BIRC6: variants seen among roughly 807,000 people sequenced by gnomAD.
BIRC6 encodes the protein dual E2 ubiquitin-conjugating enzyme/E3 ubiquitin-protein ligase BIRC6.
In BIRC6, 98 loss-of-function variants were observed where a neutral mutation model predicts 503.3. That is an observed-to-expected ratio of 0.19 (90% CI 0.17 to 0.23). BIRC6 has a LOEUF of 0.23. Among genes scored for constraint, BIRC6 ranks in the 10% least tolerant of loss-of-function variants. The pLI is 1.00. For synonymous variants in BIRC6, 2,240 were observed against 2,078.7 expected (o/e 1.08, Z -2.11); for missense variants, 5,360 against 5,806.0 (o/e 0.92, Z 2.50).
intron 66 of BIRC6, among the ~76,000 whole-genome samples, chr2:32,577,327 ACT>A (rs2060332889): frequency 6.6e-6 from 1 of 151,920 alleles, no homozygotes; most frequent in Non-Finnish European, 1.5e-5. Context: ...TTTTGAGATG[ACT>A]CTGTTAGCTT....
At chr2:32,364,539 C>A (rs2034599447) in intron 1 of BIRC6, among the ~76,000 whole-genome samples, 1 of 152,070 alleles carries the variant, frequency 6.6e-6, no homozygotes, top group South Asian at 2.1e-4. Flanking sequence ...CCGTGCCCAG[C>A]CCTGCTCAGT....
Position 32,485,648 on chromosome 2 carries a change from G to A in BIRC6, c.7702G>A (p.Asp2568Asn). 1.2e-6 allele frequency: 2 copies of A among 1,610,008 alleles called. No homozygotes were observed. Among genetic ancestry groups the A allele is most frequent in the Non-Finnish European group, 1.7e-6 (2 of 1,176,714 alleles). ...TVSVSVSQAL[D>N]ARLEVGLEQQ... ...CTTTCAATTGCTTTTTGTAGCCCTG[G>A]ATGCTCGCCTAGAAGTTGGACTTGA... The change falls in exon 40 of 74, where the codon GAT becomes AAT. Residue 2568 changes from aspartate to asparagine, a missense_variant. Transcript: ENST00000421745.
intron 32 of BIRC6, among the ~76,000 whole-genome samples, chr2:32,471,617 GAAATCAA>G (rs771088206): frequency 1.3e-5 from 2 of 152,030 alleles, no homozygotes; most frequent in Non-Finnish European, 2.9e-5. Flanking sequence ...AAAATTAAAG[GAAATCAA>G]CCTGCAACAT....
chr2:32,407,188 G>A (rs1384764943), intron 9 of BIRC6, among the ~76,000 whole-genome samples: 2 of 152,098 alleles, frequency 1.3e-5, no homozygotes, highest in Non-Finnish European at 2.9e-5. Context: ...GCTTACGTCG[G>A]TAATCCTAGC....
chr2:32,578,979 A>AATATATATATATATATATATATACATAT lies in BIRC6; in HGVS notation c.13355+3624_13355+3625insTATATATATATACATATATATATATATA, dbSNP rs1407258691. Among the ~76,000 whole-genome samples, 2 of 74,338 alleles carry AATATATATATATATATATATATACATAT rather than the reference A, an allele frequency of 2.7e-5. 1 individual carries two copies. The highest frequency in any genetic ancestry group is 5.2e-5 in the Non-Finnish European group (2 of 38,122). The allele number at this position is 74,338 out of a possible 152,430, so 48.8% of individuals were successfully genotyped here. On this transcript the variant is annotated intron_variant, in intron 66 of 73. Coordinates refer to ENST00000421745, the MANE Select transcript of BIRC6 (RefSeq NM_016252.4). ...GTTTACTACTTATTTTTATATACCT[A>AATATATATATATATATATATATACATAT]ATATATATATACACTTAATATATAT...
At chr2:32,525,726 C>T (rs1052440503) in intron 59 of BIRC6, 98 bp downstream of exon 59, 115 of 1,217,944 alleles carry the variant, frequency 9.4e-5, no homozygotes, top group Middle Eastern at 8.5e-4. Context: ...AATCAGGTGC[C>T]ATTGATGAGA....
At chr2:32,378,991 A>G (rs775714943) in intron 2 of BIRC6, 12 of 152,230 alleles carry the variant, frequency 7.9e-5, no homozygotes, top group Non-Finnish European at 1.5e-4. Flanking sequence ...GTTCTATAAT[A>G]AAGTGAGATA....
At chr2:32,496,583 A>G (rs571251730) in intron 45 of BIRC6, among the ~76,000 whole-genome samples, 2 of 152,120 alleles carry the variant, frequency 1.3e-5, no homozygotes, top group Admixed American at 6.5e-5. Context: ...TTTATGCATT[A>G]CCTCACTGTC....
At chr2:32,557,970 A>G (rs2058899037) in intron 65 of BIRC6, 1 of 152,198 alleles carries the variant, frequency 6.6e-6, no homozygotes, top group Non-Finnish European at 1.5e-5. Context: ...ATACTAGTAA[A>G]TACTAGAAAA....
At chr2:32,389,411 G>A (rs2149524653) in intron 4 of BIRC6, among the ~76,000 whole-genome samples, 1 of 150,330 alleles carries the variant, frequency 6.7e-6, no homozygotes, top group Non-Finnish European at 1.5e-5. Context: ...AAAAATAATA[G>A]GAATAATTTT....
rs573643816 is a variant in BIRC6, at chr2:32,609,084, A to G, written c.14259+1441A>G. 8.6e-5 allele frequency among the ~76,000 whole-genome samples: 13 copies of G among 151,844 alleles called. No individual in the cohort carries two copies. In the South Asian group the frequency reaches 2.5e-3, roughly 29 times the overall value. The stretch of plus-strand genomic sequence containing the variant: ...TTTTTAGTAGAGGCCAGTTTTCACC[A>G]TGTTGGCCAGGCTGGTCTCGAATGC... On this transcript the variant is annotated intron_variant, in intron 72 of 73. Transcript: ENST00000421745.
At chr2:32,456,247 GTC>G (rs1472910638) in intron 23 of BIRC6, among the ~76,000 whole-genome samples, 8 of 152,120 alleles carry the variant, frequency 5.3e-5, no homozygotes, top group African/African-American at 1.9e-4. Context: ...GTTGAGTAAG[GTC>G]TGTATAACAT....
At position 32,515,382 on chromosome 2, in the gene BIRC6, C is replaced by A; in HGVS notation, c.10961C>A (p.Ala3654Asp). 1 of 1,613,490 alleles carries A rather than the reference C, an allele frequency of 6.2e-7. No homozygotes were observed. Among genetic ancestry groups the A allele is most frequent in the Non-Finnish European group, 8.5e-7 (1 of 1,179,872 alleles). Reference sequence around the variant, plus strand: ...CACATTTCTAGCTCAGAAAGCATTGCCCAGTCAATAGATATTTCCCAGGAC... The same window carrying A: ...CACATTTCTAGCTCAGAAAGCATTGACCAGTCAATAGATATTTCCCAGGAC... ...FSHISSSESIAQSIDISQDKL... is the reference protein window; with the variant it reads ...FSHISSSESIDQSIDISQDKL... The change falls in exon 55 of 74, where the codon GCC (alanine) becomes GAC (aspartate). Residue 3654 changes from alanine to aspartate, a missense_variant. By Grantham distance (126) the Ala-to-Asp change is moderately radical. This residue lies in a region of BIRC6 where 878 missense variants were observed against 928.9 expected (regional missense o/e 0.95). Coordinates refer to ENST00000421745, the MANE Select transcript of BIRC6 (RefSeq NM_016252.4).
chr2:32,495,711 G>T (rs1426210530), intron 45 of BIRC6, among the ~76,000 whole-genome samples: 1 of 149,864 alleles, frequency 6.7e-6, no homozygotes, highest in Non-Finnish European at 1.5e-5. Context: ...AAGTCACACA[G>T]AATATTATGT....
intron 3 of BIRC6, among the ~76,000 whole-genome samples, chr2:32,384,894 A>G (rs1430439898): frequency 6.6e-6 from 1 of 152,110 alleles, no homozygotes; most frequent in Non-Finnish European, 1.5e-5. Flanking sequence ...GCATTGACAT[A>G]TTTCATACGT....
chr2:32,396,866 G>C (rs2039955094), intron 6 of BIRC6, among the ~76,000 whole-genome samples: 1 of 152,004 alleles, frequency 6.6e-6, no homozygotes, highest in South Asian at 2.1e-4. Context: ...TGGGAGTACA[G>C]GTGTGCGTGG....
At chr2:32,428,753 T>C (rs1026641419) in intron 10 of BIRC6, among the ~76,000 whole-genome samples, 1 of 152,204 alleles carries the variant, frequency 6.6e-6, no homozygotes, top group Non-Finnish European at 1.5e-5. Context: ...TTAAGTTTTG[T>C]TATTGTTGAG....
At chr2:32,372,096 G>A (rs2036061584) in intron 1 of BIRC6, among the ~76,000 whole-genome samples, 1 of 152,098 alleles carries the variant, frequency 6.6e-6, no homozygotes, top group African/African-American at 2.4e-5. Flanking sequence ...TGAAGGCATT[G>A]CGCTTGGGTG....
At chr2:32,429,059 A>G in intron 10 of BIRC6, 87 bp from the exon 11 acceptor site, 3 of 1,137,528 alleles carry the variant, frequency 2.6e-6, no homozygotes, top group Non-Finnish European at 3.7e-6. Flanking sequence ...ATGAAGTGAC[A>G]TTCAGTTGTT....
Sources: gnomAD v4.1 joint callset for allele counts (sites outside exome capture counted in the v4.1 genomes callset) on GRCh38, gnomAD v4.1.1 for gene constraint, gnomAD v4.1.1 regional missense constraint, MANE v1.5 for transcripts, NCBI Gene and HGNC (gene_info 2026-07-23, HGNC 2026-07-21) for gene names.